The following ZBTB20 variants were observed in gnomAD, a reference collection of about 807,000 sequenced individuals.
The protein encoded by ZBTB20 is zinc finger and BTB domain-containing protein 20.
ZBTB20 carries 9 observed loss-of-function variants against 56.9 expected under a neutral mutation model. That is an observed-to-expected ratio of 0.16 (90% CI 0.10 to 0.28). The LOEUF is 0.28. ZBTB20 is among the 10% of genes least tolerant of loss of function. The pLI, the probability that ZBTB20 is intolerant of heterozygous loss-of-function variation, is 1.00. For missense variants in ZBTB20, 655 were observed against 1,003.0 expected (o/e 0.65, Z 4.69); for synonymous variants, 417 against 420.7 (o/e 0.99, Z 0.11).
At chr3:114,424,231 C>A (rs186237863) in intron 7 of ZBTB20, among the ~76,000 whole-genome samples, 1 of 152,300 alleles carries the variant, frequency 6.6e-6, no homozygotes, top group Admixed American at 6.5e-5. Flanking sequence ...GGAAAAGATG[C>A]ACACAGACAC....
At chr3:114,740,490 C>T (rs1162299181) in intron 5 of ZBTB20, among the ~76,000 whole-genome samples, 1 of 152,112 alleles carries the variant, frequency 6.6e-6, no homozygotes, top group East Asian at 1.9e-4. Flanking sequence ...TAAGGACTTT[C>T]ACTTAAATGG....
Position 114,426,312 on chromosome 3 carries a change from TG to T in ZBTB20, c.-254-37208del, listed in dbSNP as rs758743186. Among the ~76,000 whole-genome samples the T allele has an allele frequency of 1.6e-4, 21 of 130,998 alleles. No homozygotes were observed. In the East Asian group the frequency reaches 4.2e-3, roughly 26 times the overall value. 85.9% of individuals were successfully genotyped at this position (130,998 alleles called of 152,430 possible). A position where few individuals can be genotyped will look rare whatever the true frequency, so the allele number is the denominator to read the frequency against. ...GAGATCGCGCCACTGCACTCCTGCC[TG>T]GGTGACAGAGCAAGACTCCATCTCA... On this transcript the variant is annotated intron_variant, in intron 7 of 11. Coordinates refer to ENST00000675478, the MANE Select transcript of ZBTB20 (RefSeq NM_001348800.3).
chr3:115,138,212 C>A (rs934734126), intron 1 of ZBTB20, among the ~76,000 whole-genome samples: 1 of 152,024 alleles, frequency 6.6e-6, no homozygotes, highest in African/African-American at 2.4e-5. Flanking sequence ...CCAGAACTTT[C>A]AGTAATACTT....
chr3:114,319,185 C>CA lies in ZBTB20; in HGVS notation c.*19819dup, dbSNP rs1169544973. ...TTTTTTTTTTAAATAATGTCTTCAC[C>CA]AAAAAAACAGTCTTGTACCAATAAA... On this transcript the variant is annotated 3_prime_UTR_variant, in exon 12 of 12. Coordinates refer to ENST00000675478, the MANE Select transcript of ZBTB20 (RefSeq NM_001348800.3). The CA allele has an allele frequency of 6.7e-6, 1 of 148,380 alleles. No individual in the cohort carries two copies. Among genetic ancestry groups the CA allele is most frequent in the South Asian group, 2.1e-4 (1 of 4,696 alleles). The allele number at this position is 148,380 out of a possible 1,614,324, so 9.2% of individuals were successfully genotyped here.
intron 2 of ZBTB20, among the ~76,000 whole-genome samples, chr3:115,056,233 G>C (rs2081776173): frequency 6.6e-6 from 1 of 151,972 alleles, no homozygotes; most frequent in Admixed American, 6.6e-5. Context: ...ATAAAGAGAT[G>C]CTCAAAAAAT....
chr3:114,501,405 C>T (rs1487755139), intron 6 of ZBTB20, among the ~76,000 whole-genome samples: 1 of 151,982 alleles, frequency 6.6e-6, no homozygotes, highest in African/African-American at 2.4e-5. Context: ...GTGGGTGGAT[C>T]ACTTGAGGTC....
At chr3:114,945,749 C>G (rs1169174779) in intron 3 of ZBTB20, among the ~76,000 whole-genome samples, 3 of 145,046 alleles carry the variant, frequency 2.1e-5, no homozygotes, top group Non-Finnish European at 4.5e-5. Flanking sequence ...CAATGTCAGA[C>G]TTTGAATTAA....
chr3:114,380,353 A>T lies in ZBTB20; in HGVS notation c.63T>A (p.Ile21=). Residue 21 remains isoleucine (I), a synonymous_variant, in exon 10 of 12, where the codon ATT becomes ATA. Coordinates refer to ENST00000675478, the MANE Select transcript of ZBTB20 (RefSeq NM_001348800.3). ...TGGCGCTGGATCCACCCGGCTGAGT[A>T]ATCTCATTCTCCTCAGATGCCTTCT... ...ENQKASEENE[I]TQPGGSSAKP... 6.5e-7 allele frequency: 1 copy of T among 1,536,604 alleles called. No individual in the cohort carries two copies. The highest frequency in any genetic ancestry group is 8.7e-7 in the Non-Finnish European group (1 of 1,146,504).
chr3:114,980,733 GA>G (rs2078292639), intron 2 of ZBTB20, among the ~76,000 whole-genome samples: 1 of 151,570 alleles, frequency 6.6e-6, no homozygotes, highest in Non-Finnish European at 1.5e-5. Flanking sequence ...GAAACTTCAA[GA>G]AAAAAAGAAT....
At chr3:114,478,023 C>T (rs2041059274) in intron 7 of ZBTB20, among the ~76,000 whole-genome samples, 1 of 142,386 alleles carries the variant, frequency 7.0e-6, no homozygotes, top group East Asian at 2.3e-4. Context: ...TCTTGTTGCC[C>T]AGGCTGCAGT....
chr3:114,892,718 G>T (rs1039267799), intron 4 of ZBTB20, among the ~76,000 whole-genome samples: 1 of 152,164 alleles, frequency 6.6e-6, no homozygotes, highest in African/African-American at 2.4e-5. Flanking sequence ...GCTTCAAACT[G>T]ATTCAATTAC....
At chr3:114,599,178 C>A (rs1394677003) in intron 6 of ZBTB20, 1 of 152,074 alleles carries the variant, frequency 6.6e-6, no homozygotes, top group Non-Finnish European at 1.5e-5. Context: ...TAGTACATGG[C>A]ATTTCATGAT....
intron 1 of ZBTB20, among the ~76,000 whole-genome samples, chr3:115,101,352 T>G (rs2083576239): frequency 6.6e-6 from 1 of 152,152 alleles, no homozygotes; most frequent in Non-Finnish European, 1.5e-5. Context: ...CTAACCAGAT[T>G]TTTTCTATAT....
chr3:115,065,150 G>A (rs1241860067), intron 2 of ZBTB20, among the ~76,000 whole-genome samples: 1 of 151,038 alleles, frequency 6.6e-6, no homozygotes. Flanking sequence ...ACTTTTTTTT[G>A]CTCTATTTTC....
intron 6 of ZBTB20, among the ~76,000 whole-genome samples, chr3:114,609,201 G>A (rs1431500389): frequency 6.6e-6 from 1 of 152,136 alleles, no homozygotes; most frequent in Non-Finnish European, 1.5e-5. Context: ...CTATTAAATG[G>A]ATAACAAGAA....
intron 5 of ZBTB20, among the ~76,000 whole-genome samples, chr3:114,736,010 GT>G (rs1396021096): frequency 6.6e-6 from 1 of 152,122 alleles, no homozygotes. Context: ...TGATGTTTAT[GT>G]AGAGTAGTCA....
chr3:115,109,159 A>G (rs961479257), intron 1 of ZBTB20, among the ~76,000 whole-genome samples: 2 of 152,222 alleles, frequency 1.3e-5, no homozygotes, highest in African/African-American at 4.8e-5. Flanking sequence ...TAAACAATCT[A>G]CAACAATGCC....
At chr3:114,990,784 C>T (rs138316253) in intron 2 of ZBTB20, among the ~76,000 whole-genome samples, 34,831 of 151,874 alleles carry the variant, frequency 0.23, 4,671 homozygotes, top group East Asian at 0.64. Flanking sequence ...AATTTCAGAG[C>T]GTGTTATTGG....
chr3:114,707,362 T>C lies in ZBTB20; in HGVS notation c.-342-13787A>G, dbSNP rs116183139. On this transcript the variant is annotated intron_variant, in intron 5 of 11. Coordinates refer to ENST00000675478, the MANE Select transcript of ZBTB20 (RefSeq NM_001348800.3). Reference sequence around the variant, plus strand: ...CAACTGGACAGGAGCTCTCACTCTTTAATTCTCAGTCAAGCAATTCCCTAC... The same window carrying C: ...CAACTGGACAGGAGCTCTCACTCTTCAATTCTCAGTCAAGCAATTCCCTAC... 2.1e-3 allele frequency among the ~76,000 whole-genome samples: 327 copies of C among 152,216 alleles called. 1 individual carries two copies. The highest frequency in any genetic ancestry group is 6.8e-3 in the African/African-American group (282 of 41,550).
Sources: allele counts gnomAD v4.1 joint callset (sites outside exome capture counted in the v4.1 genomes callset), GRCh38; gene constraint gnomAD v4.1.1; transcripts MANE v1.5; gene names NCBI Gene and HGNC (gene_info 2026-07-23, HGNC 2026-07-21).